The following CFAP300 variants were observed in gnomAD, a reference collection of about 807,000 sequenced individuals.
The protein encoded by CFAP300 is cilia and flagella associated protein 300.
Under a neutral mutation model 33.0 loss-of-function variants are expected in CFAP300, and 32 were observed. The ratio of observed to expected loss-of-function variants is 0.97; its 90% CI spans 0.73 to 1.30. CFAP300 has a LOEUF of 1.30. Among genes scored for constraint, CFAP300 ranks in the 50% most tolerant of loss-of-function variants. The probability of loss-of-function intolerance (pLI) is 0.00; values close to 1 mark genes in which losing one functional copy is unlikely to be tolerated. For synonymous variants in CFAP300, 102 were observed against 106.8 expected (o/e 0.95, Z 0.28); for missense variants, 356 against 318.1 (o/e 1.12, Z -0.90).
At chr11:102,059,151 A>G (rs1942103130) in intron 3 of CFAP300, among the ~76,000 whole-genome samples, 196 bp downstream of exon 3, 1 of 152,172 alleles carries the variant, frequency 6.6e-6, no homozygotes. Flanking sequence ...GGCTTAACAC[A>G]TAAGAGCAAT....
chr11:102,076,028 C>G lies in CFAP300; in HGVS notation c.591C>G (p.Ile197Met), dbSNP rs750519685. The G allele has an allele frequency of 6.2e-7, 1 of 1,611,082 alleles. No homozygotes were observed. The highest frequency in any genetic ancestry group is 8.5e-7 in the Non-Finnish European group (1 of 1,179,136). ...ISPYLETTKL[I>M]YKDLVSVRKN... ...CATATCTGGAAACAACAAAGCTTAT[C>G]TATAAGGATCTGGTGAGGTAATGTT... Residue 197 changes from isoleucine to methionine, a missense_variant, in exon 5 of 7, where the codon ATC (isoleucine) becomes ATG (methionine). Coordinates refer to ENST00000434758, the MANE Select transcript of CFAP300 (RefSeq NM_032930.3).
At position 102,047,570 on chromosome 11, in the gene CFAP300, C is replaced by T; in HGVS notation, c.100C>T (p.Leu34Phe). The change falls in exon 1 of 7, where the codon CTC becomes TTC. Residue 34 changes from leucine (L) to phenylalanine (F), a missense_variant. By Grantham distance (22) the Leu-to-Phe change is conservative. Transcript: ENST00000434758. ...SLSSKEITSR[L>F]RQWSMLGRIK... ...GAGCTCTAAGGAGATCACCAGCCGG[C>T]TCCGCCAGTGGTGAGGAACCGAGGC... 3 of 1,535,924 alleles carry T rather than the reference C, an allele frequency of 2.0e-6. No individual in the cohort carries two copies. Among genetic ancestry groups the T allele is most frequent in the Non-Finnish European group, 2.6e-6 (3 of 1,146,692 alleles).
intron 2 of CFAP300, among the ~76,000 whole-genome samples, chr11:102,053,169 C>T (rs527538945): frequency 1.3e-5 from 2 of 151,968 alleles, no homozygotes; most frequent in South Asian, 4.2e-4. Context: ...GTGGAGGTTG[C>T]AGTGAGCTGA....
intron 4 of CFAP300, among the ~76,000 whole-genome samples, chr11:102,071,569 T>C (rs950223757): frequency 6.6e-6 from 1 of 152,212 alleles, no homozygotes; most frequent in Non-Finnish European, 1.5e-5. Flanking sequence ...AGTGGCAATA[T>C]TTGAATCCTT....
intron 2 of CFAP300, among the ~76,000 whole-genome samples, chr11:102,054,246 T>C (rs1942015082): frequency 6.6e-6 from 1 of 152,256 alleles, no homozygotes; most frequent in Non-Finnish European, 1.5e-5. Flanking sequence ...CGTTAGATTA[T>C]GTCTGCCCAT....
In CFAP300 at chr11:102,082,739, C is replaced by G. The variant is rs140114367; in HGVS notation, c.676-332C>G. Among the ~76,000 whole-genome samples the G allele has an allele frequency of 4.1e-3, 631 of 152,222 alleles. 1 individual carries two copies. The highest frequency in any genetic ancestry group is 6.8e-3 in the Middle Eastern group (2 of 294). On this transcript the variant is annotated intron_variant, in intron 6 of 6. Coordinates refer to ENST00000434758, the MANE Select transcript of CFAP300 (RefSeq NM_032930.3). Reference sequence around the variant, plus strand: ...ATTGGCCGGGTGCTGTGTCTCAAGCCTGTAATCCCAGCCTTTTGGGAGGCC... The same window carrying G: ...ATTGGCCGGGTGCTGTGTCTCAAGCGTGTAATCCCAGCCTTTTGGGAGGCC...
intron 2 of CFAP300, among the ~76,000 whole-genome samples, chr11:102,055,756 T>C (rs1399549438): frequency 1.4e-5 from 2 of 144,056 alleles, no homozygotes; most frequent in Non-Finnish European, 3.0e-5. Context: ...CACTGCAAGC[T>C]CTGCCTCCCG....
chr11:102,047,884 T>C lies in CFAP300; in HGVS notation c.180T>C (p.Asp60=). ...FDQTFQSYRK[D]DFVMAFFKDP... ...AGACCTTTCAGTCCTATCGGAAGGA[T>C]GATTTCGTTATGGTTAGTATGGGGG... Residue 60 remains aspartate, a synonymous_variant, in exon 2 of 7, where the codon GAT becomes GAC. Transcript: ENST00000434758. The C allele has an allele frequency of 6.2e-7, 1 of 1,614,146 alleles. No individual in the cohort carries two copies. The highest frequency in any genetic ancestry group is 8.5e-7 in the Non-Finnish European group (1 of 1,180,006).
chr11:102,047,638 G>A, intron 1 of CFAP300, 58 bp downstream of exon 1: 3 of 1,503,146 alleles, frequency 2.0e-6, no homozygotes, highest in Non-Finnish European at 2.7e-6. Flanking sequence ...CTGTGGAGGC[G>A]CAGGCCGGGC....
At chr11:102,056,369 A>G (rs1942056755) in intron 2 of CFAP300, among the ~76,000 whole-genome samples, 1 of 152,228 alleles carries the variant, frequency 6.6e-6, no homozygotes, top group Non-Finnish European at 1.5e-5. Context: ...TTTATTGTTC[A>G]AGATAATAGC....
intron 4 of CFAP300, among the ~76,000 whole-genome samples, chr11:102,072,252 A>C (rs968833048): frequency 6.6e-6 from 1 of 151,498 alleles, no homozygotes; most frequent in Non-Finnish European, 1.5e-5. Flanking sequence ...CTTTGGCTTT[A>C]TGTAGTCTAT....
At chr11:102,052,099 T>C (rs1440376999) in intron 2 of CFAP300, among the ~76,000 whole-genome samples, 3 of 152,192 alleles carry the variant, frequency 2.0e-5, no homozygotes, top group Non-Finnish European at 4.4e-5. Flanking sequence ...ATAATTGTAA[T>C]CTCAATAATG....
chr11:102,047,488 C>T lies in CFAP300; in HGVS notation c.18C>T (p.Leu6=). ...AGAGCACGATGGCTACTGGGGAGCT[C>T]GGGGACTTGGGTGGCTACTACTTCA... MATGE[L]GDLGGYYFRF... Residue 6 remains leucine (L), a synonymous_variant, in exon 1 of 7, where the codon CTC becomes CTT. Transcript: ENST00000434758. 1 of 1,535,942 alleles carries T rather than the reference C, an allele frequency of 6.5e-7. No individual in the cohort carries two copies. Among genetic ancestry groups the T allele is most frequent in the Non-Finnish European group, 8.7e-7 (1 of 1,146,766 alleles).
At chr11:102,053,415 G>A (rs1942002111) in intron 2 of CFAP300, among the ~76,000 whole-genome samples, 1 of 152,034 alleles carries the variant, frequency 6.6e-6, no homozygotes, top group Non-Finnish European at 1.5e-5. Flanking sequence ...GCTGGGCATG[G>A]TGGCGGGTGC....
intron 4 of CFAP300, among the ~76,000 whole-genome samples, chr11:102,070,395 A>G (rs936418421): frequency 6.6e-6 from 1 of 152,208 alleles, no homozygotes; most frequent in African/African-American, 2.4e-5. Context: ...ATCAATTTTC[A>G]TAATTAAGTG....
In CFAP300 at chr11:102,081,988, G is replaced by A. The variant is rs913050890; in HGVS notation, c.675+707G>A. Among the ~76,000 whole-genome samples, 4 of 151,482 alleles carry A rather than the reference G, an allele frequency of 2.6e-5. No homozygotes were observed. In the East Asian group the frequency reaches 7.7e-4, roughly 29 times the overall value. ...TACAAAAGATATTATTACATTCGAAGCAGTTTCTAAGTATCTTCATTCAAT... is the reference window on the plus strand; with the variant it reads ...TACAAAAGATATTATTACATTCGAAACAGTTTCTAAGTATCTTCATTCAAT... On this transcript the variant is annotated intron_variant, in intron 6 of 6. Transcript: ENST00000434758.
At chr11:102,080,399 G>T (rs1007528503) in intron 5 of CFAP300, among the ~76,000 whole-genome samples, 4 of 151,860 alleles carry the variant, frequency 2.6e-5, no homozygotes, top group Admixed American at 6.6e-5. Flanking sequence ...GTTGTTTGGG[G>T]TTTTTTGGGA....
intron 4 of CFAP300, among the ~76,000 whole-genome samples, chr11:102,074,540 T>A (rs539535985): frequency 2.0e-5 from 3 of 152,222 alleles, no homozygotes; most frequent in South Asian, 4.2e-4. Flanking sequence ...CTATTTTGGT[T>A]CTACTTTGTT....
chr11:102,061,234 A>G (rs951026297), intron 3 of CFAP300, among the ~76,000 whole-genome samples: 14 of 152,224 alleles, frequency 9.2e-5, no homozygotes, highest in Non-Finnish European at 5.9e-5. Flanking sequence ...TTCTAGTGGA[A>G]TGTTAGTACT....
Sources: allele counts gnomAD v4.1 joint callset (sites outside exome capture counted in the v4.1 genomes callset), GRCh38; gene constraint gnomAD v4.1.1; transcripts MANE v1.5; gene names NCBI Gene and HGNC (gene_info 2026-07-23, HGNC 2026-07-21).